TRMT11: variants seen among roughly 807,000 people sequenced by gnomAD.
TRMT11 encodes tRNA (guanine(10)-N(2))-methyltransferase TRMT11.
Under a neutral mutation model 62.8 loss-of-function variants are expected in TRMT11, and 53 were observed. The ratio of observed to expected loss-of-function variants is 0.84; its 90% CI spans 0.68 to 1.06. TRMT11 has a LOEUF of 1.06. Among genes scored for constraint, TRMT11 ranks in the 50% least tolerant of loss-of-function variants. TRMT11 has a pLI of 0.00. For missense variants in TRMT11, 556 were observed against 553.4 expected (o/e 1.00, Z -0.05); for synonymous variants, 188 against 190.3 (o/e 0.99, Z 0.10).
intron 21 of TRMT11, among the ~76,000 whole-genome samples, chr6:126,125,630 G>T (rs2128201806): frequency 6.6e-6 from 1 of 152,128 alleles, no homozygotes; most frequent in East Asian, 1.9e-4. Flanking sequence ...TGTCCTTAAG[G>T]AACTTATGAT....
At chr6:125,989,272 C>T (rs1418053798) in intron 1 of TRMT11, among the ~76,000 whole-genome samples, 1 of 151,880 alleles carries the variant, frequency 6.6e-6, no homozygotes, top group Non-Finnish European at 1.5e-5. Context: ...GGAGTACAGG[C>T]TTGCACCACC....
At chr6:126,230,739 T>A in the TRMT11 span, among the ~76,000 whole-genome samples, 1 of 152,094 alleles carries the variant, frequency 6.6e-6, no homozygotes, top group Non-Finnish European at 1.5e-5. Context: ...ACCATAGGAA[T>A]GACTTTTAAA....
At chr6:126,035,317 G>A (rs971337945) in intron 12 of TRMT11, among the ~76,000 whole-genome samples, 2 of 152,144 alleles carry the variant, frequency 1.3e-5, no homozygotes, top group African/African-American at 4.8e-5. Context: ...ACTCGAAGCA[G>A]GACTTGTGCT....
chr6:126,198,245 T>C (rs557099541), intron 1 of TRMT11, among the ~76,000 whole-genome samples: 1 of 152,256 alleles, frequency 6.6e-6, no homozygotes, highest in South Asian at 2.1e-4. Context: ...GTGGTACTTC[T>C]GGTGGCAGAA....
chr6:126,009,884 C>A (rs1338598088), intron 8 of TRMT11, among the ~76,000 whole-genome samples: 1 of 151,994 alleles, frequency 6.6e-6, no homozygotes, highest in African/African-American at 2.4e-5. Context: ...TTGTAACCTT[C>A]AGTCTACTGG....
intron 21 of TRMT11, among the ~76,000 whole-genome samples, chr6:126,159,735 A>C (rs1468533749): frequency 6.6e-6 from 1 of 152,012 alleles, no homozygotes; most frequent in African/African-American, 2.4e-5. Flanking sequence ...TCCCTCTGAA[A>C]CCTCTAGAGG....
In TRMT11 at chr6:126,050,249, G is replaced by T. The variant is rs61501265; in HGVS notation, c.*1370-2874G>T. Among the ~76,000 whole-genome samples the T allele has an allele frequency of 8.2e-3, 1,227 of 149,178 alleles. 13 individuals are homozygous for T. The highest frequency in any genetic ancestry group is 0.025 in the African/African-American group (1,018 of 40,340). On this transcript the variant is annotated intron_variant and NMD_transcript_variant, in intron 16 of 22. Transcript: ENST00000648977. Reference sequence around the variant, plus strand: ...GGAGGCTGAGGCAGGAGAATCGCTTGAATCTGGGAGGCAGAGGTTGCAGTG... The same window carrying T: ...GGAGGCTGAGGCAGGAGAATCGCTTTAATCTGGGAGGCAGAGGTTGCAGTG...
chr6:126,180,077 A>G lies in TRMT11; in HGVS notation n.143+2742A>G, dbSNP rs181810796. 9.8e-3 allele frequency among the ~76,000 whole-genome samples: 1,485 copies of G among 152,270 alleles called. 20 individuals carry two copies. Among genetic ancestry groups the G allele is most frequent in the African/African-American group, 0.034 (1,417 of 41,558 alleles). On this transcript the variant is annotated intron_variant and non_coding_transcript_variant, in intron 1 of 3. Transcript: ENST00000444229. ...ATATGCTACGTGATAAAGGACTGAA[A>G]AAATAGTTTGGAATGAAAGAAATTG... is the stretch of plus-strand genomic sequence containing the variant.
the TRMT11 span, among the ~76,000 whole-genome samples, chr6:126,239,633 C>A: frequency 6.6e-6 from 1 of 152,050 alleles, no homozygotes; most frequent in Non-Finnish European, 1.5e-5. Flanking sequence ...CTCTGGCTGC[C>A]CTTAACATTT....
At chr6:126,024,734 A>G (rs929178784) in intron 12 of TRMT11, among the ~76,000 whole-genome samples, 2 of 152,210 alleles carry the variant, frequency 1.3e-5, no homozygotes, top group African/African-American at 2.4e-5. Context: ...CACATTGAAT[A>G]AGAGGAGTCT....
intron 17 of TRMT11, among the ~76,000 whole-genome samples, chr6:126,093,631 A>ATATATATTTTTTTTTTTTT (rs1554236842): frequency 6.1e-5 from 6 of 98,012 alleles, no homozygotes; most frequent in African/African-American, 2.6e-4. Flanking sequence ...ATATATATAT[A>ATATATATTTTTTTTTTTTT]TTTTCCCCCA....
chr6:126,028,414 CTT>C (rs1440846937), intron 12 of TRMT11, among the ~76,000 whole-genome samples: 2 of 151,900 alleles, frequency 1.3e-5, no homozygotes, highest in Non-Finnish European at 2.9e-5. Flanking sequence ...GAGAGAGAGT[CTT>C]TTTAAAAATT....
the TRMT11 span, among the ~76,000 whole-genome samples, chr6:126,264,084 A>T: frequency 2.0e-5 from 3 of 152,140 alleles, no homozygotes; most frequent in African/African-American, 7.2e-5. Flanking sequence ...CTGATCATTA[A>T]CACGTGCCTA....
rs529831298 is a variant in TRMT11 at position 126,001,661 on chromosome 6, G to A, written c.679+2048G>A. 9.9e-5 allele frequency among the ~76,000 whole-genome samples: 15 copies of A among 151,966 alleles called. No individual in the cohort carries two copies. In the East Asian group the frequency reaches 2.9e-3, roughly 29 times the overall value. ...AGCAATCTGTGGAGAGACACATTAA[G>A]GCCATGTAGTATTCTATTCCTTATC... is the stretch of plus-strand genomic sequence containing the variant. On this transcript the variant is annotated intron_variant, in intron 7 of 12. Transcript: ENST00000334379.
At chr6:126,215,104 C>T in the TRMT11 span, among the ~76,000 whole-genome samples, 1 of 151,638 alleles carries the variant, frequency 6.6e-6, no homozygotes, top group African/African-American at 2.4e-5. Context: ...TTTGTTGCTC[C>T]ACACATAGTC....
intron 17 of TRMT11, among the ~76,000 whole-genome samples, chr6:126,076,218 C>T (rs1323685503): frequency 6.6e-6 from 1 of 152,172 alleles, no homozygotes; most frequent in Non-Finnish European, 1.5e-5. Context: ...AACTGTCTGT[C>T]TTCCAATTAC....
chr6:126,007,836 A>C (rs1038269483), intron 7 of TRMT11, among the ~76,000 whole-genome samples: 15 of 152,004 alleles, frequency 9.9e-5, no homozygotes, highest in African/African-American at 3.6e-4. Context: ...AAAACAGGAG[A>C]TAATTACTTG....
At chr6:126,207,558 G>A (rs1778801871), downstream of TRMT11, among the ~76,000 whole-genome samples, 1 of 152,114 alleles carries the variant, frequency 6.6e-6, no homozygotes, top group Non-Finnish European at 1.5e-5. Flanking sequence ...AGTTTGAGTT[G>A]GTTGTCTACT....
At chr6:126,110,308 ATCCT>A (rs1413924874) in intron 17 of TRMT11, among the ~76,000 whole-genome samples, 2 of 152,088 alleles carry the variant, frequency 1.3e-5, no homozygotes, top group Non-Finnish European at 1.5e-5. Flanking sequence ...TGGGCTCCAT[ATCCT>A]TCCCAGGAAT....
Sources: allele counts gnomAD v4.1 joint callset (sites outside exome capture counted in the v4.1 genomes callset), GRCh38; gene constraint gnomAD v4.1.1; transcripts MANE v1.5; gene names NCBI Gene and HGNC (gene_info 2026-07-23, HGNC 2026-07-21).